The following PRH1 variants were observed in gnomAD, a reference collection of about 807,000 sequenced individuals.
PRH1 encodes the protein salivary acidic proline-rich phosphoprotein 1/2.
A neutral mutation model predicts 7.9 loss-of-function variants in PRH1; 7 were observed. That is an observed-to-expected ratio of 0.89 (90% CI 0.50 to 1.67). The LOEUF (loss-of-function observed/expected upper bound fraction) is 1.67, where lower values mean the gene tolerates loss of function less well. Ranked by LOEUF, PRH1 falls within the 40% of genes most tolerant of loss-of-function variation. PRH1 has a pLI of 0.00. For missense variants in PRH1, 109 were observed against 223.6 expected (o/e 0.49, Z 3.27); for synonymous variants, 45 against 80.8 (o/e 0.56, Z 2.38).
chr12:10,988,357 GC>G (rs1220798777), intron 1 of PRH1, among the ~76,000 whole-genome samples: 6 of 152,028 alleles, frequency 3.9e-5, no homozygotes, highest in African/African-American at 9.7e-5. Context: ...ATGGGGAGTG[GC>G]AAAGTTTTGT....
chr12:11,027,741 A>G (rs2010481), intron 1 of PRH1, among the ~76,000 whole-genome samples: 68,977 of 152,020 alleles, frequency 0.45, 16,454 homozygotes, highest in Non-Finnish European at 0.52. Flanking sequence ...TAGAACATAC[A>G]TAGTGGTCAT....
intron 1 of PRH1, among the ~76,000 whole-genome samples, chr12:11,046,087 C>T (rs1434448559): frequency 2.6e-5 from 4 of 152,096 alleles, no homozygotes; most frequent in Admixed American, 6.5e-5. Flanking sequence ...TCTTCAATTA[C>T]ATAACTTCCA....
At chr12:11,011,306 G>C (rs1341197061) in intron 1 of PRH1, among the ~76,000 whole-genome samples, 1 of 152,014 alleles carries the variant, frequency 6.6e-6, no homozygotes, top group African/African-American at 2.4e-5. Flanking sequence ...TCTCTGACCA[G>C]TGTCAAACAG....
At position 10,895,759 on chromosome 12, in the gene PRH1, G is replaced by A. The variant is rs140511685; in HGVS notation, c.-58-11484C>T. 15 of 152,270 alleles carry A rather than the reference G, an allele frequency of 9.9e-5. No homozygotes were observed. The East Asian group carries it at 2.9e-3, about 29-fold the overall frequency. 9.4% of individuals were successfully genotyped at this position (152,270 alleles called of 1,614,324 possible). ...AGTTGAGAATAAAATCAATCAGGGAGACCTTTCAGTTCCTGATTCAGTCAA... is the reference window on the plus strand; with the variant it reads ...AGTTGAGAATAAAATCAATCAGGGAAACCTTTCAGTTCCTGATTCAGTCAA... On this transcript the variant is annotated intron_variant, in intron 2 of 3. Coordinates refer to the PRH1 transcript ENST00000539853.
At chr12:10,973,124 C>T (rs555916097) in intron 2 of PRH1, among the ~76,000 whole-genome samples, 1 of 151,802 alleles carries the variant, frequency 6.6e-6, no homozygotes, top group African/African-American at 2.4e-5. Flanking sequence ...GTAAGTTATC[C>T]TTTTGGGTCT....
intron 1 of PRH1, among the ~76,000 whole-genome samples, chr12:11,140,728 C>G (rs1946679223): frequency 6.6e-6 from 1 of 152,046 alleles, no homozygotes; most frequent in African/African-American, 2.4e-5. Context: ...TTTAATTGTT[C>G]TGCAATTTTT....
chr12:10,889,675 T>C (rs1483253521), intron 2 of PRH1, among the ~76,000 whole-genome samples: 1 of 152,204 alleles, frequency 6.6e-6, no homozygotes, highest in Non-Finnish European at 1.5e-5. Flanking sequence ...GCCTTTCATA[T>C]TCATGATATG....
intron 1 of PRH1, among the ~76,000 whole-genome samples, chr12:11,044,510 C>T (rs1421275170): frequency 1.3e-5 from 2 of 151,884 alleles, no homozygotes; most frequent in Non-Finnish European, 2.9e-5. Flanking sequence ...AGACAACCCA[C>T]AGAATGGGAG....
chr12:11,036,499 T>A (rs1459660876), intron 1 of PRH1, among the ~76,000 whole-genome samples: 2 of 152,244 alleles, frequency 1.3e-5, no homozygotes, highest in Non-Finnish European at 2.9e-5. Context: ...ATCCGCTCTT[T>A]AGAAATAAAA....
At chr12:11,127,282 A>G (rs201064343) in intron 1 of PRH1, among the ~76,000 whole-genome samples, 5 of 151,996 alleles carry the variant, frequency 3.3e-5, no homozygotes, top group African/African-American at 1.2e-4. Context: ...CAAGTCATAC[A>G]CTTAATCATC....
intron 1 of PRH1, among the ~76,000 whole-genome samples, chr12:11,040,819 T>C (rs1942677402): frequency 6.6e-6 from 1 of 152,230 alleles, no homozygotes; most frequent in Admixed American, 6.5e-5. Context: ...TGCAGAGTCC[T>C]CATTTGTTTT....
chr12:11,082,772 T>C (rs147599271), intron 1 of PRH1, among the ~76,000 whole-genome samples: 2,861 of 116,498 alleles, frequency 0.025, 803 homozygotes, highest in South Asian at 0.037. Context: ...AGAATACTCT[T>C]GTTCTGGCTG....
rs1441861866 is a variant in PRH1, at chr12:11,094,313, A to C, written n.124-47125T>G. Among the ~76,000 whole-genome samples, 9 of 109,154 alleles carry C rather than the reference A, an allele frequency of 8.2e-5. 2 individuals are homozygous for C. The highest frequency in any genetic ancestry group is 2.8e-4 in the African/African-American group (9 of 32,684). 71.6% of individuals were successfully genotyped at this position (109,154 alleles called of 152,430 possible). Reference sequence around the variant, plus strand: ...CAAGACTCTGTCAAAAAAAAAAAAAAAAAAAAAAAAAACCCGACGTCAAAC... The same window carrying C: ...CAAGACTCTGTCAAAAAAAAAAAAACAAAAAAAAAAAACCCGACGTCAAAC... On this transcript the variant is annotated intron_variant and non_coding_transcript_variant, in intron 1 of 4. Transcript: ENST00000541977.
At chr12:11,075,530 G>C (rs1356774600) in intron 1 of PRH1, among the ~76,000 whole-genome samples, 1 of 114,072 alleles carries the variant, frequency 8.8e-6, no homozygotes, top group Non-Finnish European at 2.1e-5. Flanking sequence ...ACATTCTTGT[G>C]ATGGGGTCTG....
intron 1 of PRH1, chr12:11,030,998 A>G (rs745969467): frequency 1.2e-6 from 2 of 1,614,300 alleles, no homozygotes; most frequent in Non-Finnish European, 1.7e-6. Flanking sequence ...AAGGTTGGAG[A>G]AATTGGCAAT....
chr12:10,930,251 C>A (rs918049470), intron 2 of PRH1: 1 of 1,612,376 alleles, frequency 6.2e-7, no homozygotes, highest in Non-Finnish European at 8.5e-7. Flanking sequence ...TTCCCATCAT[C>A]CTGTACTTCT....
chr12:10,922,682 C>T (rs1950062664), intron 2 of PRH1, among the ~76,000 whole-genome samples: 1 of 151,882 alleles, frequency 6.6e-6, no homozygotes, highest in South Asian at 2.1e-4. Context: ...CTTGATATGG[C>T]AGTTTATTAA....
chr12:11,098,897 G>C (rs1945144014), intron 1 of PRH1, among the ~76,000 whole-genome samples: 1 of 151,968 alleles, frequency 6.6e-6, no homozygotes, highest in Admixed American at 6.5e-5. Flanking sequence ...AATAAAAAAT[G>C]AGTTTCCAAG....
chr12:10,981,035 T>C (rs1939327033), intron 1 of PRH1, among the ~76,000 whole-genome samples: 1 of 152,050 alleles, frequency 6.6e-6, no homozygotes, highest in Non-Finnish European at 1.5e-5. Context: ...AGCTGATTCC[T>C]GAGGTCAGCC....
Sources: allele counts gnomAD v4.1 joint callset (sites outside exome capture counted in the v4.1 genomes callset), GRCh38; gene constraint gnomAD v4.1.1; transcripts MANE v1.5; gene names NCBI Gene and HGNC (gene_info 2026-07-23, HGNC 2026-07-21).